Variants in DNAH17 observed in about 807,000 individuals in gnomAD.
DNAH17 encodes the protein axonemal beta dynein heavy chain 17.
A neutral mutation model predicts 485.6 loss-of-function variants in DNAH17; 376 were observed. The observed-to-expected ratio is 0.77, with a 90% CI of 0.71 to 0.84. The LOEUF (loss-of-function observed/expected upper bound fraction) is 0.84. Among genes scored for constraint, DNAH17 ranks in the 40% least tolerant of loss-of-function variants. The probability of loss-of-function intolerance (pLI) is 0.00; values close to 1 mark genes in which losing one functional copy is unlikely to be tolerated. For synonymous variants in DNAH17, 3,031 were observed against 2,405.9 expected (o/e 1.26, Z -7.60); for missense variants, 6,370 against 5,839.3 (o/e 1.09, Z -2.96).
At chr17:78,472,779 C>T (rs1226442163) in intron 54 of DNAH17, 2 of 454,278 alleles carry the variant, frequency 4.4e-6, no homozygotes, top group African/African-American at 2.0e-5. Context: ...CTTCTCGTCG[C>T]ACCTGCCCAC....
chr17:78,548,496 AC>A, intron 16 of DNAH17, among the ~76,000 whole-genome samples: 1 of 152,214 alleles, frequency 6.6e-6, no homozygotes, highest in South Asian at 2.1e-4. Context: ...GAGCCACTGC[AC>A]CCGGCCACGG....
At chr17:78,470,450 G>T (rs1359161567) in intron 54 of DNAH17, among the ~76,000 whole-genome samples, 1 of 151,668 alleles carries the variant, frequency 6.6e-6, no homozygotes, top group African/African-American at 2.4e-5. Flanking sequence ...AGCACTTTGG[G>T]AGGCCGAGGA....
rs769475999 is a variant in DNAH17 at position 78,450,713 on chromosome 17, G to A, written c.10868C>T (p.Thr3623Ile). 6.2e-7 allele frequency: 1 copy of A among 1,613,884 alleles called. No individual in the cohort carries two copies. The highest frequency in any genetic ancestry group is 8.5e-7 in the Non-Finnish European group (1 of 1,179,866). The stretch of plus-strand genomic sequence containing the variant: ...CTCGATCTCGCTGGCTGTGTGCTTG[G>A]TGGTCTCCAGATTCTCCACCAAGGC... ...DTALVENLET[T>I]KHTASEIEEK... Residue 3623 changes from threonine to isoleucine, a missense_variant, in exon 67 of 81, where the codon ACC (threonine) becomes ATC (isoleucine). Transcript: ENST00000389840.
In DNAH17 at chr17:78,571,584, C is replaced by T. The variant is rs1162308693; in HGVS notation, c.732+6G>A. The stretch of plus-strand genomic sequence containing the variant: ...CTGCAGCCCCACAGGAGAGAGGAGG[C>T]CGTACCTGTTCATGGATGCACTTGA... On this transcript the variant is annotated splice_donor_region_variant and intron_variant, in intron 4 of 80. Transcript: ENST00000389840. The T allele has an allele frequency of 6.2e-7, 1 of 1,613,588 alleles. No homozygotes were observed. The highest frequency in any genetic ancestry group is 1.3e-5 in the African/African-American group (1 of 74,916).
At position 78,485,002 on chromosome 17, in the gene DNAH17, C is replaced by G; in HGVS notation, c.7515G>C (p.Ser2505=). ...TGCCTGGCGGCCCGTAGTTCCTCCC[C>G]GATTTCTTCTCCAGCGGCTTCTCCA... ...GVLEKPLEKK[S]GRNYGPPGTK... The change falls in exon 48 of 81, where the codon TCG becomes TCC. Residue 2505 remains serine (S), a synonymous_variant. Coordinates refer to ENST00000389840, the MANE Select transcript of DNAH17 (RefSeq NM_173628.4). The G allele has an allele frequency of 1.2e-6, 2 of 1,612,972 alleles. No individual in the cohort carries two copies. The highest frequency in any genetic ancestry group is 1.7e-6 in the Non-Finnish European group (2 of 1,179,374).
At chr17:78,529,192 G>A (rs1024872955) in intron 22 of DNAH17, among the ~76,000 whole-genome samples, 2 of 152,070 alleles carry the variant, frequency 1.3e-5, no homozygotes, top group Non-Finnish European at 2.9e-5. Context: ...TGCCCACCTT[G>A]GCCTCCCAAA....
intron 77 of DNAH17, 43 bp downstream of exon 77, chr17:78,428,482 C>G (rs1357423528): frequency 6.4e-7 from 1 of 1,554,716 alleles, no homozygotes; most frequent in Non-Finnish European, 8.7e-7. Flanking sequence ...AGTTCTAGAT[C>G]CTCCCCCTTC....
At chr17:78,521,251 CA>C (rs780939184) in intron 25 of DNAH17, among the ~76,000 whole-genome samples, 6 of 152,106 alleles carry the variant, frequency 3.9e-5, no homozygotes, top group African/African-American at 4.8e-5. Flanking sequence ...ACTGAAAATA[CA>C]AAAATTAGCT....
In DNAH17 at chr17:78,569,540, G is replaced by T; in HGVS notation, c.1045-13C>A. The T allele has an allele frequency of 1.3e-6, 2 of 1,597,626 alleles. No homozygotes were observed. ...GGAAGGTTCGTGTCTGGGCAAAAGA[G>T]AAGACAGACATCTAAAGCTCCGACA... On this transcript the variant is annotated splice_polypyrimidine_tract_variant and intron_variant, in intron 7 of 80. Coordinates refer to ENST00000389840, the MANE Select transcript of DNAH17 (RefSeq NM_173628.4).
At chr17:78,566,188 G>C (rs1440870898) in intron 11 of DNAH17, among the ~76,000 whole-genome samples, 1 of 151,926 alleles carries the variant, frequency 6.6e-6, no homozygotes, top group Non-Finnish European at 1.5e-5. Context: ...GTCTACAGCA[G>C]TTTGTTATAG....
At chr17:78,484,697 G>T (rs1456137629) in intron 48 of DNAH17, 171 bp downstream of exon 48, 2 of 407,510 alleles carry the variant, frequency 4.9e-6, no homozygotes, top group South Asian at 3.8e-5. Context: ...CACAAACTTG[G>T]GGGCCCAGCT....
intron 56 of DNAH17, among the ~76,000 whole-genome samples, chr17:78,465,659 G>C (rs997757599): frequency 6.6e-6 from 1 of 150,618 alleles, no homozygotes; most frequent in Non-Finnish European, 1.5e-5. Flanking sequence ...CTGCCTGGCC[G>C]CCCCGTCTGA....
chr17:78,453,103 T>C (rs780699482), intron 65 of DNAH17, among the ~76,000 whole-genome samples: 3 of 152,224 alleles, frequency 2.0e-5, no homozygotes, highest in African/African-American at 7.2e-5. Context: ...AGCCTCCCCA[T>C]CTGGAGGCCA....
At chr17:78,572,492 C>T (rs2092373396) in intron 3 of DNAH17, among the ~76,000 whole-genome samples, 1 of 152,042 alleles carries the variant, frequency 6.6e-6, no homozygotes, top group Non-Finnish European at 1.5e-5. Flanking sequence ...GGCTGCAGAG[C>T]CTGCTCCCTC....
chr17:78,530,326 C>A lies in DNAH17; in HGVS notation c.3284+17G>T. 2 of 1,594,898 alleles carry A rather than the reference C, an allele frequency of 1.3e-6. No homozygotes were observed. Among genetic ancestry groups the A allele is most frequent in the Non-Finnish European group, 1.7e-6 (2 of 1,166,604 alleles). On this transcript the variant is annotated intron_variant, in intron 21 of 80. Transcript: ENST00000389840. ...GCACATTCCTTGGGCTCCCCGAGTA[C>A]ATGGCTGGGGACCCACCTGTTGGTG...
chr17:78,536,605 C>T (rs1433169119), intron 19 of DNAH17, among the ~76,000 whole-genome samples: 5 of 151,904 alleles, frequency 3.3e-5, no homozygotes, highest in Admixed American at 6.6e-5. Context: ...CAATTGGGCC[C>T]GGGAGGCAGA....
chr17:78,513,818 A>T (rs2090702454), intron 26 of DNAH17, among the ~76,000 whole-genome samples: 1 of 152,046 alleles, frequency 6.6e-6, no homozygotes, highest in Admixed American at 6.5e-5. Context: ...TGGAAAAATA[A>T]TTTTTTTCCT....
intron 16 of DNAH17, among the ~76,000 whole-genome samples, chr17:78,544,618 C>T (rs928876748): frequency 8.6e-5 from 13 of 151,974 alleles, no homozygotes; most frequent in African/African-American, 2.2e-4. Flanking sequence ...CTGGCTAACA[C>T]GGTGAAACCC....
Position 78,570,897 on chromosome 17 carries a change from AAAAG to A in DNAH17, c.918+47_918+50del. On this transcript the variant is annotated intron_variant, in intron 6 of 80. Coordinates refer to ENST00000389840, the MANE Select transcript of DNAH17 (RefSeq NM_173628.4). ...AAAAAAAGAAAAAAGAAAAGAAAAGAAAAGAAACAAGACCCTCCCCACCAAAGCC... is the reference window on the plus strand; with the variant it reads ...AAAAAAAGAAAAAAGAAAAGAAAAGAAAACAAGACCCTCCCCACCAAAGCC... The A allele has an allele frequency of 4.8e-6, 5 of 1,042,352 alleles. No homozygotes were observed. In the South Asian group the frequency reaches 6.0e-5, roughly 12 times the overall value. The allele number at this position is 1,042,352 out of a possible 1,614,324, so 64.6% of individuals were successfully genotyped here.
Sources: gnomAD v4.1 joint callset for allele counts (sites outside exome capture counted in the v4.1 genomes callset) on GRCh38, gnomAD v4.1.1 for gene constraint, MANE v1.5 for transcripts, NCBI Gene and HGNC (gene_info 2026-07-23, HGNC 2026-07-21) for gene names.